Variants in KCNQ1 observed in about 807,000 individuals in gnomAD.
The protein encoded by KCNQ1 is potassium voltage-gated channel subfamily KQT member 1.
KCNQ1 carries 49 observed loss-of-function variants against 72.4 expected under a neutral mutation model. The ratio of observed to expected loss-of-function variants is 0.68; its 90% CI spans 0.54 to 0.86. The LOEUF is 0.86. KCNQ1 is among the 40% of genes least tolerant of loss of function. The probability of loss-of-function intolerance (pLI) is 0.00; values close to 1 mark genes in which losing one functional copy is unlikely to be tolerated. For missense variants in KCNQ1, 790 were observed against 945.1 expected (o/e 0.84, Z 2.15); for synonymous variants, 450 against 412.6 (o/e 1.09, Z -1.10).
intron 11 of KCNQ1, chr11:2,692,378 C>A: frequency 2.5e-6 from 1 of 398,870 alleles, no homozygotes; most frequent in Non-Finnish European, 4.4e-6. Flanking sequence ...ATTCTCACAT[C>A]CCCTGCCCCA....
chr11:2,606,937 C>G (rs1176845948), intron 10 of KCNQ1, among the ~76,000 whole-genome samples: 1 of 123,936 alleles, frequency 8.1e-6, no homozygotes, highest in Non-Finnish European at 1.6e-5. Flanking sequence ...GAGTCTCGCT[C>G]TGTCACCCAG....
At chr11:2,757,030 T>C (rs1394279379) in intron 11 of KCNQ1, among the ~76,000 whole-genome samples, 2 of 139,516 alleles carry the variant, frequency 1.4e-5, no homozygotes, top group Admixed American at 7.4e-5. Context: ...CAGAATACTT[T>C]CCCCCTAAAA....
rs1328112333 is a variant in KCNQ1, at chr11:2,653,699, C to G, written c.1394-8262C>G. ...CAACAGCTCAGGAAGCCCAGCAGAACGAGGTCATCTCTTCCAGGATTCCTG... is the reference window on the plus strand; with the variant it reads ...CAACAGCTCAGGAAGCCCAGCAGAAGGAGGTCATCTCTTCCAGGATTCCTG... On this transcript the variant is annotated intron_variant, in intron 10 of 15. Transcript: ENST00000155840. The surrounding 1 kb of genome is among the most constrained non-coding windows in gnomAD (Gnocchi z 5.3). 1 of 398,568 alleles carries G rather than the reference C, an allele frequency of 2.5e-6. No homozygotes were observed. 24.7% of individuals were successfully genotyped at this position (398,568 alleles called of 1,614,324 possible).
At chr11:2,756,197 G>A (rs1846295462) in intron 11 of KCNQ1, among the ~76,000 whole-genome samples, 1 of 152,230 alleles carries the variant, frequency 6.6e-6, no homozygotes, top group African/African-American at 2.4e-5. Context: ...GAACTCTGGT[G>A]TGTGGACGAG....
intron 15 of KCNQ1, among the ~76,000 whole-genome samples, chr11:2,820,134 T>C (rs776750128): frequency 6.6e-6 from 1 of 152,206 alleles, no homozygotes; most frequent in Non-Finnish European, 1.5e-5. Flanking sequence ...GTTTTGGTGT[T>C]CTTTTTCTAG....
intron 1 of KCNQ1, among the ~76,000 whole-genome samples, chr11:2,511,222 G>A (rs956295634): frequency 4.6e-5 from 7 of 152,142 alleles, no homozygotes; most frequent in African/African-American, 1.4e-4. Context: ...TGACTGTCAC[G>A]GAAAAGGAGG....
chr11:2,667,584 G>A (rs1850101920), intron 11 of KCNQ1: 1 of 398,530 alleles, frequency 2.5e-6, no homozygotes, highest in Non-Finnish European at 4.4e-6. Flanking sequence ...AGGGGGTCGG[G>A]GCGGGGTTGG....
chr11:2,688,869 T>A (rs1850541921), intron 11 of KCNQ1: 1 of 398,866 alleles, frequency 2.5e-6, no homozygotes, highest in Non-Finnish European at 4.4e-6. Flanking sequence ...CCAGAGGTCA[T>A]GCAGCAAGGT....
chr11:2,747,184 G>A (rs933592196), intron 11 of KCNQ1, among the ~76,000 whole-genome samples: 1 of 152,248 alleles, frequency 6.6e-6, no homozygotes, highest in Non-Finnish European at 1.5e-5. Flanking sequence ...GCCTTAAACT[G>A]TGCTGTTGGA....
Position 2,595,943 on chromosome 11 carries a change from T to A in KCNQ1, c.1393+7089T>A, listed in dbSNP as rs1848727319. Reference sequence around the variant, plus strand: ...ATGGAAGAACGTCAAAATATCAGCATTAACAGGAATTGGGAAAAAGTTGAT... The same window carrying A: ...ATGGAAGAACGTCAAAATATCAGCAATAACAGGAATTGGGAAAAAGTTGAT... On this transcript the variant is annotated intron_variant, in intron 10 of 15. Coordinates refer to ENST00000155840, the MANE Select transcript of KCNQ1 (RefSeq NM_000218.3). This position sits in a 1 kb window ranked among gnomAD's most constrained non-coding sequence, Gnocchi z 5.0. Among the ~76,000 whole-genome samples the A allele has an allele frequency of 6.6e-6, 1 of 152,126 alleles. No homozygotes were observed. The highest frequency in any genetic ancestry group is 1.5e-5 in the Non-Finnish European group (1 of 68,032).
Position 2,669,059 on chromosome 11 carries a change from T to C in KCNQ1, c.1514+6978T>C, listed in dbSNP as rs539816209. 4 of 398,564 alleles carry C rather than the reference T, an allele frequency of 1.0e-5. No individual in the cohort carries two copies. The South Asian group carries it at 5.1e-4, about 51-fold the overall frequency. 24.7% of individuals were successfully genotyped at this position (398,564 alleles called of 1,614,324 possible). On this transcript the variant is annotated intron_variant, in intron 11 of 15. Coordinates refer to ENST00000155840, the MANE Select transcript of KCNQ1 (RefSeq NM_000218.3). The surrounding 1 kb of genome is among the most constrained non-coding windows in gnomAD (Gnocchi z 5.6). ...ACCCGGCATGGGAAGGCCCGTCCTC[T>C]CCCAACTACCCTGCCGTATCAGTGT...
rs1355209530 is a variant in KCNQ1, at chr11:2,723,742, A to G, written c.1515-45102A>G. Among the ~76,000 whole-genome samples, 2 of 152,056 alleles carry G rather than the reference A, an allele frequency of 1.3e-5. No individual in the cohort carries two copies. Among genetic ancestry groups the G allele is most frequent in the African/African-American group, 4.8e-5 (2 of 41,408 alleles). The stretch of plus-strand genomic sequence containing the variant: ...ACCCTTGGCAGACAGCCTCTCCTCT[A>G]CTAGCTAGTGGGGCCTCACTAACCG... On this transcript the variant is annotated intron_variant, in intron 11 of 15. Coordinates refer to ENST00000155840, the MANE Select transcript of KCNQ1 (RefSeq NM_000218.3). This position sits in a 1 kb window ranked among gnomAD's most constrained non-coding sequence, Gnocchi z 4.2.
At chr11:2,616,310 T>G (rs1849063424) in intron 10 of KCNQ1, 1 of 397,732 alleles carries the variant, frequency 2.5e-6, no homozygotes. Context: ...TAGTTAAAGG[T>G]TTTCAACTTT....
rs1848461924 is a variant in KCNQ1 at position 2,579,116 on chromosome 11, T to G, written c.922-4319T>G. Among the ~76,000 whole-genome samples, 2 of 152,198 alleles carry G rather than the reference T, an allele frequency of 1.3e-5. No homozygotes were observed. The highest frequency in any genetic ancestry group is 1.3e-4 in the Admixed American group (2 of 15,284). On this transcript the variant is annotated intron_variant, in intron 6 of 15. Transcript: ENST00000155840. The surrounding 1 kb of genome is among the most constrained non-coding windows in gnomAD (Gnocchi z 6.0). The stretch of plus-strand genomic sequence containing the variant: ...CTACCACGTTTCCAGCCGGGGCCAG[T>G]GAGCTCTGGGAGCCAGGGCTTGGCA...
intron 1 of KCNQ1, 64 bp downstream of exon 1, chr11:2,445,548 T>A: frequency 6.5e-7 from 1 of 1,547,526 alleles, no homozygotes. Flanking sequence ...GTGGGGGAGC[T>A]CTGTCCCAGC....
At chr11:2,672,933 C>T (rs1444907943) in intron 11 of KCNQ1, 1 of 398,590 alleles carries the variant, frequency 2.5e-6, no homozygotes, top group African/African-American at 2.1e-5. Context: ...TGCAGGCCCA[C>T]CACAGGTGGC....
At chr11:2,726,346 C>T (rs1235654922) in intron 11 of KCNQ1, among the ~76,000 whole-genome samples, 1 of 152,224 alleles carries the variant, frequency 6.6e-6, no homozygotes, top group Admixed American at 6.5e-5. Flanking sequence ...GGGGGAACTG[C>T]AGCATCCTCA....
At position 2,664,411 on chromosome 11, in the gene KCNQ1, C is replaced by G. The variant is rs16928522; in HGVS notation, c.1514+2330C>G. 5,123 of 398,626 alleles carry G rather than the reference C, an allele frequency of 0.013. 162 individuals are homozygous for G. Among genetic ancestry groups the G allele is most frequent in the East Asian group, 0.081 (2,264 of 28,074 alleles). The allele number at this position is 398,626 out of a possible 1,614,324, so 24.7% of individuals were successfully genotyped here. A position where few individuals can be genotyped will look rare whatever the true frequency, so the allele number is the denominator to read the frequency against. ...AGAGGCCTGAAGGGGAGAGTGGGCA[C>G]GTACAGTGTCAGGGCCTAGGAACCC... On this transcript the variant is annotated intron_variant, in intron 11 of 15. Transcript: ENST00000155840. This position sits in a 1 kb window ranked among gnomAD's most constrained non-coding sequence, Gnocchi z 5.1.
chr11:2,531,566 G>A (rs1847633448), intron 2 of KCNQ1, among the ~76,000 whole-genome samples: 1 of 152,174 alleles, frequency 6.6e-6, no homozygotes, highest in Non-Finnish European at 1.5e-5. Context: ...GCGCCACCTG[G>A]TGGCTATTTG....
Sources: allele counts gnomAD v4.1 joint callset (sites outside exome capture counted in the v4.1 genomes callset), GRCh38; gene constraint gnomAD v4.1.1; non-coding constraint Gnocchi (gnomAD v3.1); transcripts MANE v1.5; gene names NCBI Gene and HGNC (gene_info 2026-07-23, HGNC 2026-07-21).